DCAF12: variants seen among roughly 807,000 people sequenced by gnomAD.
DCAF12 encodes DDB1 and CUL4 associated factor 12, also known as DDB1- and CUL4-associated factor 12.
DCAF12 carries 28 observed loss-of-function variants against 52.8 expected under a neutral mutation model. The observed-to-expected ratio is 0.53, with a 90% CI of 0.39 to 0.73. DCAF12 has a LOEUF of 0.73. Among genes scored for constraint, DCAF12 ranks in the 30% least tolerant of loss-of-function variants. The pLI, the probability that DCAF12 is intolerant of heterozygous loss-of-function variation, is 0.00. For synonymous variants in DCAF12, 196 were observed against 215.5 expected (o/e 0.91, Z 0.79); for missense variants, 425 against 552.2 (o/e 0.77, Z 2.31).
chr9:34,119,017 C>T (rs1829131952), intron 2 of DCAF12, among the ~76,000 whole-genome samples: 2 of 152,032 alleles, frequency 1.3e-5, no homozygotes, highest in South Asian at 4.1e-4. Context: ...CACTTACTTC[C>T]TAAGTATAAC....
At chr9:34,101,576 G>C (rs1257230115) in intron 4 of DCAF12, among the ~76,000 whole-genome samples, 4 of 151,170 alleles carry the variant, frequency 2.6e-5, no homozygotes, top group African/African-American at 9.7e-5. Context: ...ATTTTTAGTA[G>C]AGACGGGGTT....
intron 1 of DCAF12, chr9:34,125,640 C>T (rs1269253628): frequency 1.3e-5 from 6 of 473,672 alleles, no homozygotes; most frequent in Admixed American, 2.3e-5. Flanking sequence ...CCCCCTTCTC[C>T]CTCTCAGTCT....
At position 34,086,559 on chromosome 9, in the gene DCAF12, G is replaced by T. The variant is rs1337424126; in HGVS notation, c.*1791C>A. The T allele has an allele frequency of 6.6e-6, 1 of 151,922 alleles. No homozygotes were observed. The highest frequency in any genetic ancestry group is 1.5e-5 in the Non-Finnish European group (1 of 67,990). The allele number at this position is 151,922 out of a possible 1,614,324, so 9.4% of individuals were successfully genotyped here. ...TTAAATATACAAGTCAGTTTAAAAT[G>T]ATAGAAGTTCTGTGAGAACTAAGAA... On this transcript the variant is annotated 3_prime_UTR_variant, in exon 9 of 9. Transcript: ENST00000361264.
At chr9:34,090,026 A>G (rs1384997992) in intron 7 of DCAF12, 1 of 153,972 alleles carries the variant, frequency 6.5e-6, no homozygotes, top group Non-Finnish European at 1.4e-5. Flanking sequence ...ACGATTCCTT[A>G]TATTTCACCT....
chr9:34,094,974 C>T (rs535592434), intron 6 of DCAF12, among the ~76,000 whole-genome samples: 1 of 152,272 alleles, frequency 6.6e-6, no homozygotes, highest in South Asian at 2.1e-4. Context: ...TAATTTTCTG[C>T]ATTAAACAAT....
At position 34,096,779 on chromosome 9, in the gene DCAF12, T is replaced by C. The variant is rs1828742166; in HGVS notation, c.798A>G (p.Glu266=). The C allele has an allele frequency of 1.2e-6, 2 of 1,613,830 alleles. No individual in the cohort carries two copies. The highest frequency in any genetic ancestry group is 1.7e-6 in the Non-Finnish European group (2 of 1,179,870). ...AGCCATCCAGAGACACTGCTCCCAG[T>C]TCCTACAAGAGCAATGAAAACCAGG... is the stretch of plus-strand genomic sequence containing the variant. The part of the protein sequence containing the change: ...RALAFNNKNK[E]LGAVSLDGYF... Residue 266 remains glutamate, a splice_region_variant and synonymous_variant, in exon 6 of 9, where the codon GAA becomes GAG. Transcript: ENST00000361264.
intron 4 of DCAF12, among the ~76,000 whole-genome samples, chr9:34,099,662 C>T (rs1392748234): frequency 2.0e-5 from 3 of 149,858 alleles, no homozygotes; most frequent in Non-Finnish European, 3.0e-5. Flanking sequence ...GGCATGATCT[C>T]GGCTCACTGC....
At chr9:34,116,927 C>T (rs1417622657) in intron 2 of DCAF12, among the ~76,000 whole-genome samples, 1 of 152,100 alleles carries the variant, frequency 6.6e-6, no homozygotes, top group Non-Finnish European at 1.5e-5. Context: ...TGCAGTAAGC[C>T]GAGATCGTGC....
chr9:34,098,791 CAG>C (rs757991006), intron 4 of DCAF12, among the ~76,000 whole-genome samples: 3 of 151,994 alleles, frequency 2.0e-5, no homozygotes, highest in Non-Finnish European at 2.9e-5. Flanking sequence ...TTTTTTGAGA[CAG>C]AGTCTCGCTT....
At position 34,088,339 on chromosome 9, in the gene DCAF12, G is replaced by C. The variant is rs745401486; in HGVS notation, c.*11C>G. ...AAGTTAGTGTAAATCTCTGCATTTG[G>C]GGAGTTGTCATTAACTCCAGAGCCC... is the stretch of plus-strand genomic sequence containing the variant. On this transcript the variant is annotated 3_prime_UTR_variant, in exon 9 of 9. Transcript: ENST00000361264. The C allele has an allele frequency of 5.2e-6, 8 of 1,539,850 alleles. No homozygotes were observed. The highest frequency in any genetic ancestry group is 1.4e-5 in the African/African-American group (1 of 71,454).
chr9:34,119,556 TGTTA>T (rs1475182926), intron 2 of DCAF12, among the ~76,000 whole-genome samples: 1 of 152,212 alleles, frequency 6.6e-6, no homozygotes, highest in Non-Finnish European at 1.5e-5. Context: ...AGTATTCGAT[TGTTA>T]GTATTTAGAT....
intron 8 of DCAF12, among the ~76,000 whole-genome samples, 187 bp downstream of exon 8, chr9:34,089,225 C>T (rs1012151387): frequency 1.1e-4 from 17 of 152,048 alleles, no homozygotes; most frequent in African/African-American, 4.1e-4. Flanking sequence ...TTTACTGGGC[C>T]TCAGTTTTCC....
intron 4 of DCAF12, among the ~76,000 whole-genome samples, chr9:34,099,784 GC>G (rs1251642932): frequency 6.6e-6 from 1 of 151,538 alleles, no homozygotes; most frequent in East Asian, 1.9e-4. Flanking sequence ...AGTAGAGACG[GC>G]GTTTCACCAT....
chr9:34,090,432 A>C (rs1160615493), intron 7 of DCAF12, among the ~76,000 whole-genome samples: 1 of 152,138 alleles, frequency 6.6e-6, no homozygotes, highest in Non-Finnish European at 1.5e-5. Flanking sequence ...AAATACCCAA[A>C]GATGTTTAAG....
At position 34,088,320 on chromosome 9, in the gene DCAF12, GT is replaced by G. The variant is rs1358536711; in HGVS notation, c.*29del. The G allele has an allele frequency of 2.0e-6, 3 of 1,521,020 alleles. No individual in the cohort carries two copies. Among genetic ancestry groups the G allele is most frequent in the Admixed American group, 4.6e-5 (2 of 43,374 alleles). The allele number at this position is 1,521,020 out of a possible 1,614,324, so 94.2% of individuals were successfully genotyped here. A position where few individuals can be genotyped will look rare whatever the true frequency, so the allele number is the denominator to read the frequency against. ...ACAAGGAAACTGAGAATGGAAGTTA[GT>G]GTAAATCTCTGCATTTGGGGAGTTG... On this transcript the variant is annotated 3_prime_UTR_variant, in exon 9 of 9. Coordinates refer to ENST00000361264, the MANE Select transcript of DCAF12 (RefSeq NM_015397.4).
intron 4 of DCAF12, among the ~76,000 whole-genome samples, chr9:34,104,034 C>T (rs1033411385): frequency 6.6e-6 from 1 of 151,968 alleles, no homozygotes; most frequent in African/African-American, 2.4e-5. Flanking sequence ...TTTGGGAGGC[C>T]GATGCAGGCA....
At chr9:34,116,683 A>C (rs940563310) in intron 2 of DCAF12, among the ~76,000 whole-genome samples, 1 of 151,444 alleles carries the variant, frequency 6.6e-6, no homozygotes, top group Non-Finnish European at 1.5e-5. Context: ...AATAATAATA[A>C]ATTAATAAAT....
At chr9:34,089,654 C>A in intron 7 of DCAF12, 64 bp from the exon 8 acceptor site, 1 of 1,483,508 alleles carries the variant, frequency 6.7e-7, no homozygotes. Context: ...GTCTGCTAGC[C>A]TGAATTTCTC....
chr9:34,113,704 A>G (rs1363852792), intron 2 of DCAF12, among the ~76,000 whole-genome samples: 2 of 152,222 alleles, frequency 1.3e-5, no homozygotes, highest in Non-Finnish European at 2.9e-5. Context: ...GCCTTACCCT[A>G]AAACTCTTCC....
Sources: gnomAD v4.1 joint callset for allele counts (sites outside exome capture counted in the v4.1 genomes callset) on GRCh38, gnomAD v4.1.1 for gene constraint, MANE v1.5 for transcripts, NCBI Gene and HGNC (gene_info 2026-07-23, HGNC 2026-07-21) for gene names.